CNGB1: variants seen among roughly 807,000 people sequenced by gnomAD.
CNGB1 encodes the protein cyclic nucleotide gated channel subunit beta 1.
Under a neutral mutation model 151.7 loss-of-function variants are expected in CNGB1, and 126 were observed. That is an observed-to-expected ratio of 0.83 (90% CI 0.72 to 0.96). The LOEUF (loss-of-function observed/expected upper bound fraction) is 0.96. Ranked by LOEUF, CNGB1 falls within the 40% of genes least tolerant of loss-of-function variation. CNGB1 has a pLI of 0.00. For missense variants in CNGB1, 1,698 were observed against 1,627.0 expected (o/e 1.04, Z -0.75); for synonymous variants, 623 against 635.1 (o/e 0.98, Z 0.29).
chr16:57,966,315 T>A (rs1163704926), intron 2 of CNGB1, among the ~76,000 whole-genome samples: 1 of 152,230 alleles, frequency 6.6e-6, no homozygotes, highest in African/African-American at 2.4e-5. Context: ...CCCGGGGCAA[T>A]GCCTATTCAT....
intron 25 of CNGB1, among the ~76,000 whole-genome samples, chr16:57,907,054 G>A (rs1350358822): frequency 6.6e-6 from 1 of 152,154 alleles, no homozygotes; most frequent in Admixed American, 6.5e-5. Context: ...TTCATTACTC[G>A]TACTCGGTTC....
At chr16:57,901,101 A>G (rs954903138) in intron 29 of CNGB1, among the ~76,000 whole-genome samples, 1 of 152,094 alleles carries the variant, frequency 6.6e-6, no homozygotes, top group Non-Finnish European at 1.5e-5. Flanking sequence ...TCCTGTGTCA[A>G]TGGAGCTGAG....
At position 57,897,551 on chromosome 16, in the gene CNGB1, A is replaced by C. The variant is rs1381514210; in HGVS notation, c.3096-8T>G. 6.2e-7 allele frequency: 1 copy of C among 1,613,922 alleles called. No homozygotes were observed. The highest frequency in any genetic ancestry group is 1.1e-5 in the South Asian group (1 of 91,070). On this transcript the variant is annotated splice_polypyrimidine_tract_variant and splice_region_variant and intron_variant, in intron 30 of 32. Coordinates refer to ENST00000251102, the MANE Select transcript of CNGB1 (RefSeq NM_001297.5). ...CCCCCAACAGCCAGCAAGCTGGGGC[A>C]GAGAAGGGAGGAAGGAGGCCCTTCA...
intron 14 of CNGB1, among the ~76,000 whole-genome samples, chr16:57,944,690 C>T (rs1457198806): frequency 2.6e-5 from 4 of 151,862 alleles, no homozygotes; most frequent in Non-Finnish European, 5.9e-5. Flanking sequence ...CACGGTGGCT[C>T]ATGCCTGTAA....
At position 57,949,284 on chromosome 16, in the gene CNGB1, C is replaced by T. The variant is rs1474320441; in HGVS notation, c.1121+69G>A. 6.9e-6 allele frequency: 11 copies of T among 1,599,348 alleles called. No individual in the cohort carries two copies. In the East Asian group the frequency reaches 1.8e-4, roughly 26 times the overall value. On this transcript the variant is annotated intron_variant, in intron 14 of 32. Coordinates refer to ENST00000251102, the MANE Select transcript of CNGB1 (RefSeq NM_001297.5). Reference sequence around the variant, plus strand: ...GAGCTCCCATGAGCAGCAAAGAGTGCCCAGACCCCAGGAGCTCAGCCAACC... The same window carrying T: ...GAGCTCCCATGAGCAGCAAAGAGTGTCCAGACCCCAGGAGCTCAGCCAACC...
rs1567358482 is a variant in CNGB1 at position 57,883,877 on chromosome 16, T to C, written c.*287A>G. Reference sequence around the variant, plus strand: ...TTAAAAGTGGAAAATCATTTTGTTCTTAAAAAGAGGAACAGTCAGGAAAAG... The same window carrying C: ...TTAAAAGTGGAAAATCATTTTGTTCCTAAAAAGAGGAACAGTCAGGAAAAG... On this transcript the variant is annotated 3_prime_UTR_variant, in exon 33 of 33. Transcript: ENST00000251102. The C allele has an allele frequency of 1.8e-6, 1 of 554,584 alleles. No individual in the cohort carries two copies. Among genetic ancestry groups the C allele is most frequent in the Non-Finnish European group, 3.2e-6 (1 of 310,490 alleles). 34.4% of individuals were successfully genotyped at this position (554,584 alleles called of 1,614,324 possible).
intron 9 of CNGB1, 88 bp from the exon 10 acceptor site, chr16:57,960,153 GC>G (rs1567397344): frequency 6.6e-7 from 1 of 1,521,400 alleles, no homozygotes; most frequent in Non-Finnish European, 8.8e-7. Flanking sequence ...GATTCGAGTC[GC>G]TAACAGGACT....
intron 31 of CNGB1, among the ~76,000 whole-genome samples, chr16:57,894,071 A>C (rs184444590): frequency 3.8e-4 from 58 of 152,308 alleles, no homozygotes; most frequent in African/African-American, 1.3e-3. Context: ...CTGTTCCCCA[A>C]CAATGCAAAA....
At position 57,931,889 on chromosome 16, in the gene CNGB1, G is replaced by A. The variant is rs2303782; in HGVS notation, c.1373-11C>T. On this transcript the variant is annotated splice_polypyrimidine_tract_variant and intron_variant, in intron 16 of 32. Coordinates refer to ENST00000251102, the MANE Select transcript of CNGB1 (RefSeq NM_001297.5). ...GTTTCGTGGCAGGCACTGGGGGAGA[G>A]GAAGGAGAGGAGAAAGTCAGAGAGA... 2 of 1,613,770 alleles carry A rather than the reference G, an allele frequency of 1.2e-6. No homozygotes were observed. Among genetic ancestry groups the A allele is most frequent in the East Asian group, 2.2e-5 (1 of 44,876 alleles).
chr16:57,941,582 C>T (rs72782265), intron 14 of CNGB1, among the ~76,000 whole-genome samples: 191 of 152,336 alleles, frequency 1.3e-3, no homozygotes, highest in Middle Eastern at 3.4e-3. Flanking sequence ...AAACGCGGTA[C>T]ACCACAGCAA....
At chr16:57,911,730 C>T (rs778604026) in intron 25 of CNGB1, 23 bp downstream of exon 25, 3 of 1,613,450 alleles carry the variant, frequency 1.9e-6, no homozygotes, top group Non-Finnish European at 2.5e-6. Context: ...AGGCATGGCC[C>T]CAGGGGGAGG....
intron 30 of CNGB1, 99 bp from the exon 31 acceptor site, chr16:57,897,642 C>A: frequency 6.3e-7 from 1 of 1,587,394 alleles, no homozygotes; most frequent in Non-Finnish European, 8.6e-7. Context: ...GGTGGCCCCA[C>A]ACAGATGAGA....
chr16:57,948,499 C>T (rs1961865012), intron 14 of CNGB1, among the ~76,000 whole-genome samples: 1 of 152,062 alleles, frequency 6.6e-6, no homozygotes, highest in Non-Finnish European at 1.5e-5. Flanking sequence ...CCATACTCTT[C>T]TTGTCTCTGC....
chr16:57,930,100 A>C (rs1219083324), intron 17 of CNGB1, among the ~76,000 whole-genome samples: 2 of 152,202 alleles, frequency 1.3e-5, no homozygotes, highest in Non-Finnish European at 2.9e-5. Context: ...CAAAATAATC[A>C]AAATCAGGAT....
chr16:57,961,805 G>GC (rs1567398271), intron 7 of CNGB1, among the ~76,000 whole-genome samples: 1 of 152,192 alleles, frequency 6.6e-6, no homozygotes, highest in Non-Finnish European at 1.5e-5. Flanking sequence ...AAAAGCCCCT[G>GC]CCCTCAAGGA....
Position 57,920,537 on chromosome 16 carries a change from C to A in CNGB1, c.1651G>T (p.Asp551Tyr). ...GTGCTGGCCGTGGAGGCCGCACGGT[C>A]CTGGCCACTGTGGGAACATCACCCA... ...PTTPKDTDGQ[D>Y]RAASTASTNS... The change falls in exon 19 of 33, where the codon GAC (aspartate) becomes TAC (tyrosine). Residue 551 changes from aspartate to tyrosine, a missense_variant. By Grantham distance (160) the Asp-to-Tyr change is radical. Coordinates refer to ENST00000251102, the MANE Select transcript of CNGB1 (RefSeq NM_001297.5). 2 of 1,612,784 alleles carry A rather than the reference C, an allele frequency of 1.2e-6. No individual in the cohort carries two copies. Among genetic ancestry groups the A allele is most frequent in the South Asian group, 2.2e-5 (2 of 91,058 alleles).
At chr16:57,909,843 A>T (rs1960659247) in intron 25 of CNGB1, among the ~76,000 whole-genome samples, 1 of 152,190 alleles carries the variant, frequency 6.6e-6, no homozygotes, top group African/African-American at 2.4e-5. Flanking sequence ...CCTGGGTTCA[A>T]ATCCCAGCTC....
At chr16:57,886,798 T>C (rs192926971) in intron 32 of CNGB1, among the ~76,000 whole-genome samples, 1 of 152,340 alleles carries the variant, frequency 6.6e-6, no homozygotes, top group East Asian at 1.9e-4. Flanking sequence ...CCAGAACTAA[T>C]TTTAATGTCC....
rs557458793 is a variant in CNGB1 at position 57,944,946 on chromosome 16, G to A, written c.1121+4407C>T. On this transcript the variant is annotated intron_variant, in intron 14 of 32. Transcript: ENST00000251102. The stretch of plus-strand genomic sequence containing the variant: ...TCCCTGGGCAACAGAGCGAGACTCT[G>A]TCTTTAAAAAAAAAAAAAAAAAAAA... Among the ~76,000 whole-genome samples, 8 of 94,088 alleles carry A rather than the reference G, an allele frequency of 8.5e-5. No individual in the cohort carries two copies. In the East Asian group the frequency reaches 2.5e-3, roughly 30 times the overall value. 61.7% of individuals were successfully genotyped at this position (94,088 alleles called of 152,430 possible).
Sources: allele counts gnomAD v4.1 joint callset (sites outside exome capture counted in the v4.1 genomes callset), GRCh38; gene constraint gnomAD v4.1.1; transcripts MANE v1.5; gene names NCBI Gene and HGNC (gene_info 2026-07-23, HGNC 2026-07-21).